The following HLF variants were observed in gnomAD, a reference collection of about 807,000 sequenced individuals.
HLF encodes the protein HLF transcription factor, PAR bZIP family member, also known as hepatic leukemia factor.
A neutral mutation model predicts 22.6 loss-of-function variants in HLF; 3 were observed. That is an observed-to-expected ratio of 0.13 (90% CI 0.06 to 0.34). HLF has a LOEUF of 0.34. Ranked by LOEUF, HLF falls within the 10% of genes least tolerant of loss-of-function variation. The probability of loss-of-function intolerance (pLI) is 1.00; values close to 1 mark genes in which losing one functional copy is unlikely to be tolerated. For missense variants in HLF, 299 were observed against 389.2 expected (o/e 0.77, Z 1.95); for synonymous variants, 151 against 151.8 (o/e 0.99, Z 0.04).
intron 2 of HLF, among the ~76,000 whole-genome samples, chr17:55,301,247 G>T (rs935617783): frequency 1.3e-5 from 2 of 152,188 alleles, no homozygotes; most frequent in Non-Finnish European, 2.9e-5. Context: ...TTACTTACCT[G>T]TCTGCACCTC....
At chr17:55,283,940 G>A (rs778583852) in intron 2 of HLF, 8 of 152,244 alleles carry the variant, frequency 5.3e-5, no homozygotes, top group Non-Finnish European at 7.3e-5. Flanking sequence ...TTGCCAGTCT[G>A]TTTAGGATTG....
rs910601839 is a variant in HLF at position 55,324,555 on chromosome 17, A to G, written c.*3676A>G. 5.2e-5 allele frequency: 12 copies of G among 232,124 alleles called. No individual in the cohort carries two copies. The highest frequency in any genetic ancestry group is 1.2e-4 in the East Asian group (2 of 16,484). 14.4% of individuals were successfully genotyped at this position (232,124 alleles called of 1,614,324 possible). ...GCCTGCTTGCCTATGTGTGATGGCA[A>G]TTGGAGATCTGGATTTAGCACTGGG... is the stretch of plus-strand genomic sequence containing the variant. On this transcript the variant is annotated 3_prime_UTR_variant, in exon 4 of 4. Coordinates refer to ENST00000226067, the MANE Select transcript of HLF (RefSeq NM_002126.5).
At chr17:55,296,837 A>AT (rs938535449) in intron 2 of HLF, among the ~76,000 whole-genome samples, 347 of 145,104 alleles carry the variant, frequency 2.4e-3, no homozygotes, top group East Asian at 6.7e-3. Context: ...ATTCAAAAAA[A>AT]TTTTTTTTTT....
At chr17:55,266,467 G>A (rs2080791560) in intron 1 of HLF, among the ~76,000 whole-genome samples, 2 of 152,214 alleles carry the variant, frequency 1.3e-5, no homozygotes, top group South Asian at 2.1e-4. Context: ...CGAACCGTGC[G>A]GCTCACAGTG....
intron 2 of HLF, chr17:55,283,512 G>A (rs2080973921): frequency 6.6e-6 from 1 of 152,260 alleles, no homozygotes; most frequent in East Asian, 1.9e-4. Context: ...AAGGACTCAG[G>A]CCGGTGTTGC....
At position 55,322,723 on chromosome 17, in the gene HLF, C is replaced by T. The variant is rs1328813177; in HGVS notation, c.*1844C>T. On this transcript the variant is annotated 3_prime_UTR_variant, in exon 4 of 4. Transcript: ENST00000226067. ...ATACAGTGTTTTTTAGGAAAAGCAT[C>T]TGCCACAAAAATGTTCACTTCGAAA... The T allele has an allele frequency of 4.5e-6, 1 of 221,434 alleles. No individual in the cohort carries two copies. The highest frequency in any genetic ancestry group is 9.1e-6 in the Non-Finnish European group (1 of 110,390). 13.7% of individuals were successfully genotyped at this position (221,434 alleles called of 1,614,324 possible). A position where few individuals can be genotyped will look rare whatever the true frequency, so the allele number is the denominator to read the frequency against.
At chr17:55,265,995 G>A in intron 1 of HLF, 1 of 295,418 alleles carries the variant, frequency 3.4e-6, no homozygotes, top group Non-Finnish European at 5.1e-6. Context: ...CTGGTTCTGT[G>A]CGGGGCAGGG....
At chr17:55,291,417 C>G (rs2081060381) in intron 2 of HLF, among the ~76,000 whole-genome samples, 4 of 152,208 alleles carry the variant, frequency 2.6e-5, no homozygotes, top group Admixed American at 2.6e-4. Context: ...ACTAAATCTA[C>G]TCTTCCTGTG....
At position 55,268,027 on chromosome 17, in the gene HLF, C is replaced by G. The variant is rs1161078509; in HGVS notation, c.392C>G (p.Ser131Cys). The G allele has an allele frequency of 6.2e-7, 1 of 1,609,678 alleles. No individual in the cohort carries two copies. Among genetic ancestry groups the G allele is most frequent in the East Asian group, 2.2e-5 (1 of 44,822 alleles). Residue 131 changes from serine (S) to cysteine (C), a missense_variant, in exon 2 of 4, where the codon TCT becomes TGT. Physicochemically the swap from Ser to Cys is moderately radical, Grantham distance 112. This residue lies in a region of HLF where 224 missense variants were observed against 298.1 expected (regional missense o/e 0.75). Coordinates refer to ENST00000226067, the MANE Select transcript of HLF (RefSeq NM_002126.5). ...GTCATGGACCTCAGCAGCCGGGCCT[C>G]TGCACCCCTTCACCCTGGCATCCCA... The part of the protein sequence containing the change: ...PSVMDLSSRA[S>C]APLHPGIPSP...
chr17:55,270,917 C>T (rs2080849108), intron 2 of HLF, among the ~76,000 whole-genome samples: 1 of 152,172 alleles, frequency 6.6e-6, no homozygotes, highest in South Asian at 2.1e-4. Context: ...GCTGGAATTA[C>T]AGGCGTGAGC....
Position 55,315,266 on chromosome 17 carries a change from T to C in HLF, c.491T>C (p.Ile164Thr). 2 of 1,614,198 alleles carry C rather than the reference T, an allele frequency of 1.2e-6. No homozygotes were observed. The highest frequency in any genetic ancestry group is 1.7e-6 in the Non-Finnish European group (2 of 1,180,014). ...LPANRNTPSPIDPDTIQVPVG... is the reference protein window; with the variant it reads ...LPANRNTPSPTDPDTIQVPVG... ...GCAAACCGCAATACACCAAGTCCCA[T>C]TGATCCTGACACCATCCAGGTCCCA... The change falls in exon 3 of 4, where the codon ATT becomes ACT. Residue 164 changes from isoleucine to threonine, a missense_variant. Ile to Thr is a moderately conservative substitution (Grantham distance 89, BLOSUM62 -1). Transcript: ENST00000226067.
Position 55,324,429 on chromosome 17 carries a change from T to C in HLF, c.*3550T>C. 4.3e-6 allele frequency: 1 copy of C among 231,584 alleles called. No homozygotes were observed. Among genetic ancestry groups the C allele is most frequent in the East Asian group, 6.1e-5 (1 of 16,354 alleles). 14.3% of individuals were successfully genotyped at this position (231,584 alleles called of 1,614,324 possible). ...TTCTGTGAAATGCAAAGCTATTCTTTGGTTTTTCTAGTAGTTTATCTCATT... is the reference window on the plus strand; with the variant it reads ...TTCTGTGAAATGCAAAGCTATTCTTCGGTTTTTCTAGTAGTTTATCTCATT... On this transcript the variant is annotated 3_prime_UTR_variant, in exon 4 of 4. Coordinates refer to ENST00000226067, the MANE Select transcript of HLF (RefSeq NM_002126.5).
Position 55,307,223 on chromosome 17 carries a change from G to T in HLF, c.452-8004G>T, listed in dbSNP as rs1254439622. Reference sequence around the variant, plus strand: ...GGCTGGAGTGCAGTGGCGCAATCTTGGCTCACTGTAGCCTCCACCTCACAG... The same window carrying T: ...GGCTGGAGTGCAGTGGCGCAATCTTTGCTCACTGTAGCCTCCACCTCACAG... On this transcript the variant is annotated intron_variant, in intron 2 of 3. Transcript: ENST00000226067. Among the ~76,000 whole-genome samples the T allele has an allele frequency of 2.3e-5, 3 of 129,706 alleles. No homozygotes were observed. The East Asian group carries it at 7.9e-4, about 34-fold the overall frequency. 85.1% of individuals were successfully genotyped at this position (129,706 alleles called of 152,430 possible).
intron 2 of HLF, among the ~76,000 whole-genome samples, chr17:55,303,935 T>G (rs1175224938): frequency 1.3e-5 from 2 of 152,188 alleles, no homozygotes; most frequent in Non-Finnish European, 2.9e-5. Context: ...CCACAAGCTT[T>G]TATTTAATTT....
chr17:55,278,743 C>T (rs1414929246), intron 2 of HLF, among the ~76,000 whole-genome samples: 1 of 152,188 alleles, frequency 6.6e-6, no homozygotes, highest in Non-Finnish European at 1.5e-5. Flanking sequence ...GAGCAGAAGA[C>T]TGAATTCACC....
intron 2 of HLF, among the ~76,000 whole-genome samples, chr17:55,313,949 C>T (rs923023855): frequency 2.6e-5 from 4 of 152,140 alleles, no homozygotes; most frequent in African/African-American, 7.2e-5. Context: ...TGCTAGAATC[C>T]GAGCCAGTGG....
chr17:55,273,300 G>A (rs1033102637), intron 2 of HLF, among the ~76,000 whole-genome samples: 2 of 152,132 alleles, frequency 1.3e-5, no homozygotes, highest in African/African-American at 4.8e-5. Context: ...AAATAAGATC[G>A]CATGTGACAA....
intron 2 of HLF, among the ~76,000 whole-genome samples, chr17:55,287,727 G>A (rs1245702405): frequency 6.6e-6 from 1 of 152,146 alleles, no homozygotes; most frequent in African/African-American, 2.4e-5. Flanking sequence ...ACAGGTGAAG[G>A]TTTGTTGAAG....
At position 55,323,636 on chromosome 17, in the gene HLF, G is replaced by A. The variant is rs1247155436; in HGVS notation, c.*2757G>A. On this transcript the variant is annotated 3_prime_UTR_variant, in exon 4 of 4. Coordinates refer to ENST00000226067, the MANE Select transcript of HLF (RefSeq NM_002126.5). ...TGCCTTATATGTAGGTCATTGTCAC[G>A]ATACACACACACGAACACTCCCTCT... 8.8e-6 allele frequency: 2 copies of A among 228,320 alleles called. No individual in the cohort carries two copies. The highest frequency in any genetic ancestry group is 4.4e-5 in the African/African-American group (2 of 45,004). The allele number at this position is 228,320 out of a possible 1,614,324, so 14.1% of individuals were successfully genotyped here. A position where few individuals can be genotyped will look rare whatever the true frequency, so the allele number is the denominator to read the frequency against.
Sources: gnomAD v4.1 joint callset for allele counts (sites outside exome capture counted in the v4.1 genomes callset) on GRCh38, gnomAD v4.1.1 for gene constraint, gnomAD v4.1.1 regional missense constraint, MANE v1.5 for transcripts, NCBI Gene and HGNC (gene_info 2026-07-23, HGNC 2026-07-21) for gene names.